The following EMCN variants were observed in gnomAD, a reference collection of about 807,000 sequenced individuals.
EMCN encodes MUC-14.
EMCN carries 37 observed loss-of-function variants against 38.4 expected under a neutral mutation model. The ratio of observed to expected loss-of-function variants is 0.96; its 90% confidence interval spans 0.74 to 1.27. The LOEUF (loss-of-function observed/expected upper bound fraction) is 1.27. Ranked by LOEUF, EMCN falls within the 50% of genes most tolerant of loss-of-function variation. The pLI is 0.00. For synonymous variants in EMCN, 95 were observed against 100.8 expected (o/e 0.94, Z 0.35); for missense variants, 318 against 302.8 (o/e 1.05, Z -0.37).
chr4:100,505,376 G>T (rs1729456599), intron 1 of EMCN, among the ~76,000 whole-genome samples: 2 of 152,174 alleles, frequency 1.3e-5, no homozygotes, highest in African/African-American at 4.8e-5. Context: ...GATGTTGCCA[G>T]GGAAAGAGGT....
At position 100,491,286 on chromosome 4, in the gene EMCN, C is replaced by G. The variant is rs566390055; in HGVS notation, c.65-11247G>C. Reference sequence around the variant, plus strand: ...TGATGAATCTACTCTTACGCTAGCACTATACTATTTTAATTACTATTGCTT... The same window carrying G: ...TGATGAATCTACTCTTACGCTAGCAGTATACTATTTTAATTACTATTGCTT... On this transcript the variant is annotated intron_variant, in intron 1 of 11. Transcript: ENST00000296420. Among the ~76,000 whole-genome samples the G allele has an allele frequency of 5.3e-5, 8 of 152,236 alleles. No homozygotes were observed. In the South Asian group the frequency reaches 1.7e-3, roughly 32 times the overall value.
intron 10 of EMCN, among the ~76,000 whole-genome samples, chr4:100,412,384 A>G (rs1726587750): frequency 6.6e-6 from 1 of 152,176 alleles, no homozygotes; most frequent in Non-Finnish European, 1.5e-5. Context: ...TTCTTACTCT[A>G]AATGGTTCAA....
intron 4 of EMCN, among the ~76,000 whole-genome samples, chr4:100,457,671 C>T (rs1728056340): frequency 6.6e-6 from 1 of 152,132 alleles, no homozygotes; most frequent in South Asian, 2.1e-4. Context: ...GATGTCTAAT[C>T]CTCTTAATGT....
chr4:100,512,981 G>A (rs886971268), intron 1 of EMCN, among the ~76,000 whole-genome samples: 2 of 152,140 alleles, frequency 1.3e-5, no homozygotes, highest in Non-Finnish European at 2.9e-5. Context: ...AGCTTGAAAT[G>A]TAACTTCACC....
At chr4:100,500,895 C>T (rs895867676) in intron 1 of EMCN, among the ~76,000 whole-genome samples, 1 of 151,782 alleles carries the variant, frequency 6.6e-6, no homozygotes, top group African/African-American at 2.4e-5. Flanking sequence ...TTAAGTCAGC[C>T]AAATTTTTTG....
chr4:100,473,649 G>A (rs1728557273), intron 3 of EMCN, among the ~76,000 whole-genome samples: 1 of 152,106 alleles, frequency 6.6e-6, no homozygotes. Flanking sequence ...GACATCGGAA[G>A]TCCACAATGA....
chr4:100,511,353 T>C (rs528496359), intron 1 of EMCN, among the ~76,000 whole-genome samples: 2 of 152,310 alleles, frequency 1.3e-5, no homozygotes, highest in African/African-American at 4.8e-5. Context: ...GTAGATGTTG[T>C]GACAATACTT....
chr4:100,505,620 G>A (rs1729461960), intron 1 of EMCN, among the ~76,000 whole-genome samples: 1 of 152,104 alleles, frequency 6.6e-6, no homozygotes, highest in Non-Finnish European at 1.5e-5. Context: ...GTGCACTTTT[G>A]AGGAACCCTT....
chr4:100,455,664 C>G (rs1231115245), intron 4 of EMCN, among the ~76,000 whole-genome samples: 2 of 151,674 alleles, frequency 1.3e-5, no homozygotes, highest in Admixed American at 1.3e-4. Context: ...TTCTCTTTAT[C>G]TCCGGTTTTC....
intron 2 of EMCN, among the ~76,000 whole-genome samples, chr4:100,476,197 C>T (rs1017451266): frequency 3.8e-4 from 43 of 113,514 alleles, no homozygotes; most frequent in African/African-American, 1.2e-3. Flanking sequence ...CTTCTTCCTT[C>T]CTTCCTTTCT....
chr4:100,475,702 G>C (rs1160459421), intron 2 of EMCN, among the ~76,000 whole-genome samples: 1 of 104,610 alleles, frequency 9.6e-6, no homozygotes, highest in Non-Finnish European at 1.7e-5. Flanking sequence ...TTTGGAGACA[G>C]AATCTCGCTC....
chr4:100,453,824 A>G (rs1206830456), intron 4 of EMCN, among the ~76,000 whole-genome samples: 3 of 152,152 alleles, frequency 2.0e-5, no homozygotes, highest in African/African-American at 4.8e-5. Context: ...CATATACACC[A>G]TGGAATACTA....
At chr4:100,479,892 T>G in intron 2 of EMCN, 25 bp downstream of exon 2, 1 of 1,583,334 alleles carries the variant, frequency 6.3e-7, no homozygotes, top group Non-Finnish European at 8.6e-7. Context: ...AAAGTTAAAC[T>G]AAATTTACTA....
intron 4 of EMCN, among the ~76,000 whole-genome samples, chr4:100,451,053 T>C (rs1727824533): frequency 6.6e-6 from 1 of 151,826 alleles, no homozygotes; most frequent in Non-Finnish European, 1.5e-5. Flanking sequence ...TCTTAGTTTA[T>C]TTTTTTAAAG....
chr4:100,491,146 C>A (rs974196092), intron 1 of EMCN, among the ~76,000 whole-genome samples: 32 of 152,200 alleles, frequency 2.1e-4, no homozygotes, highest in African/African-American at 7.2e-4. Context: ...ATGTATAGGG[C>A]TTTTTATTTT....
intron 11 of EMCN, among the ~76,000 whole-genome samples, chr4:100,403,244 G>A (rs181136210): frequency 3.3e-5 from 5 of 152,080 alleles, no homozygotes; most frequent in East Asian, 3.9e-4. Context: ...CTTGTTCCCC[G>A]CTTTGTGCCT....
chr4:100,424,791 T>C (rs868808920), intron 5 of EMCN, among the ~76,000 whole-genome samples: 9 of 152,084 alleles, frequency 5.9e-5, no homozygotes, highest in African/African-American at 2.4e-5. Flanking sequence ...TGAGGATGAA[T>C]GCTCTTTCAG....
At chr4:100,423,653 G>A (rs897317158) in intron 5 of EMCN, among the ~76,000 whole-genome samples, 33 of 152,214 alleles carry the variant, frequency 2.2e-4, no homozygotes, top group African/African-American at 7.7e-4. Context: ...GAAAACTTCA[G>A]TAAGTTTTTT....
intron 3 of EMCN, among the ~76,000 whole-genome samples, 154 bp downstream of exon 3, chr4:100,474,884 G>A (rs967020313): frequency 6.6e-6 from 1 of 152,094 alleles, no homozygotes; most frequent in African/African-American, 2.4e-5. Context: ...TTCCTCTTGG[G>A]GAGATTAAAA....
Sources: allele counts gnomAD v4.1 joint callset (sites outside exome capture counted in the v4.1 genomes callset), GRCh38; gene constraint gnomAD v4.1.1; transcripts MANE v1.5; gene names NCBI Gene and HGNC (gene_info 2026-07-23, HGNC 2026-07-21).